Variants in NAALADL2 observed in about 807,000 individuals in gnomAD.
NAALADL2 encodes the protein N-acetylated alpha-linked acidic dipeptidase like 2.
NAALADL2 carries 76 observed loss-of-function variants against 87.2 expected under a neutral mutation model. The ratio of observed to expected loss-of-function variants is 0.87; its 90% confidence interval spans 0.72 to 1.05. NAALADL2 has a LOEUF of 1.05. NAALADL2 is among the 50% of genes least tolerant of loss of function. The pLI is 0.00. For missense variants in NAALADL2, 1,089 were observed against 945.8 expected, an observed-to-expected ratio of 1.15 and a Z score of -1.99; for synonymous variants, 354 against 331.0, an observed-to-expected ratio of 1.07 and a Z score of -0.75.
chr3:175,448,338 G>C (rs1449753507), intron 6 of NAALADL2, among the ~76,000 whole-genome samples: 2 of 152,208 alleles, frequency 1.3e-5, no homozygotes, highest in Non-Finnish European at 2.9e-5. Flanking sequence ...TTTTGTTTCT[G>C]CCATTTATTC....
chr3:175,701,727 G>A (rs1245885374), intron 11 of NAALADL2, among the ~76,000 whole-genome samples: 1 of 152,042 alleles, frequency 6.6e-6, no homozygotes, highest in Non-Finnish European at 1.5e-5. Context: ...AAACAAAAAT[G>A]ACTTCCAAAG....
intron 3 of NAALADL2, among the ~76,000 whole-genome samples, chr3:174,825,794 G>A (rs1455095938): frequency 1.3e-5 from 2 of 152,150 alleles, no homozygotes; most frequent in East Asian, 1.9e-4. Context: ...TTGGGAGGCC[G>A]AGGTGGGCAG....
intron 2 of NAALADL2, among the ~76,000 whole-genome samples, chr3:174,688,916 A>G (rs1301274469): frequency 6.6e-6 from 1 of 152,080 alleles, no homozygotes; most frequent in Non-Finnish European, 1.5e-5. Flanking sequence ...GAGTTTGAAT[A>G]TAACACTTAG....
At chr3:175,281,956 G>T (rs191971503) in intron 4 of NAALADL2, among the ~76,000 whole-genome samples, 1 of 151,706 alleles carries the variant, frequency 6.6e-6, no homozygotes, top group African/African-American at 2.4e-5. Context: ...AAATTCAACT[G>T]TTCTCATGTT....
At chr3:174,990,500 T>C (rs1289017643) in intron 1 of NAALADL2, among the ~76,000 whole-genome samples, 1 of 152,156 alleles carries the variant, frequency 6.6e-6, no homozygotes, top group East Asian at 1.9e-4. Context: ...ATAGAAGTTC[T>C]ATAAAACAAA....
At chr3:175,034,859 GTGTT>G (rs1445061725) in intron 1 of NAALADL2, among the ~76,000 whole-genome samples, 2 of 152,142 alleles carry the variant, frequency 1.3e-5, no homozygotes, top group African/African-American at 2.4e-5. Flanking sequence ...CATTCAGTAA[GTGTT>G]AGTTATAATC....
At chr3:175,635,174 C>A (rs1434594243) in intron 11 of NAALADL2, among the ~76,000 whole-genome samples, 2 of 151,994 alleles carry the variant, frequency 1.3e-5, no homozygotes, top group African/African-American at 4.8e-5. Flanking sequence ...TTTGATTATA[C>A]TGAACAAATA....
rs56071821 is a variant in NAALADL2 at position 174,870,592 on chromosome 3, TAAAAA to T, written c.43+11148_43+11152del. ...ATTATTATCAATAATAACAAAAAAA[TAAAAA>T]AAAAACACAATTAGCCATTTAGTAA... is the stretch of plus-strand genomic sequence containing the variant. On this transcript the variant is annotated intron_variant, in intron 1 of 13. Transcript: ENST00000454872. 1.4e-3 allele frequency among the ~76,000 whole-genome samples: 205 copies of T among 148,240 alleles called. 1 individual carries two copies. Among genetic ancestry groups the T allele is most frequent in the African/African-American group, 4.8e-3 (193 of 40,310 alleles).
intron 5 of NAALADL2, among the ~76,000 whole-genome samples, chr3:175,426,342 G>A (rs905319603): frequency 5.9e-5 from 9 of 152,140 alleles, no homozygotes; most frequent in South Asian, 4.1e-4. Flanking sequence ...CTGCCTGAGC[G>A]ACAGAGTGAG....
chr3:174,612,622 A>G lies in NAALADL2; in HGVS notation c.-115+61985A>G, dbSNP rs887251932. On this transcript the variant is annotated intron_variant, in intron 2 of 3. Transcript: ENST00000434257. ...TTTGAATTGCATTTTTAGCTCCAGA[A>G]TTTCTACTTGATTCTTTTTAATTAT... 4.6e-5 allele frequency among the ~76,000 whole-genome samples: 7 copies of G among 152,030 alleles called. No individual in the cohort carries two copies. In the East Asian group the frequency reaches 1.2e-3, roughly 25 times the overall value.
At chr3:174,956,570 C>A (rs917347193) in intron 1 of NAALADL2, among the ~76,000 whole-genome samples, 1 of 152,046 alleles carries the variant, frequency 6.6e-6, no homozygotes, top group African/African-American at 2.4e-5. Context: ...AATCACATAA[C>A]AAATTGCCTG....
chr3:174,984,029 C>A (rs1579860358), intron 1 of NAALADL2, among the ~76,000 whole-genome samples: 2 of 152,186 alleles, frequency 1.3e-5, no homozygotes, highest in African/African-American at 4.8e-5. Flanking sequence ...ATGTCTGCAT[C>A]TTCAGACCTT....
At chr3:174,574,721 A>G (rs1026720671) in intron 2 of NAALADL2, among the ~76,000 whole-genome samples, 5 of 152,162 alleles carry the variant, frequency 3.3e-5, no homozygotes, top group African/African-American at 1.2e-4. Flanking sequence ...CTATAGAAGC[A>G]AATATCTATC....
chr3:175,604,073 T>C (rs1000737578), intron 10 of NAALADL2, among the ~76,000 whole-genome samples: 2 of 152,174 alleles, frequency 1.3e-5, no homozygotes, highest in African/African-American at 4.8e-5. Flanking sequence ...AAGTAGAATT[T>C]CTGAATCATA....
chr3:175,203,227 C>T (rs1044508519), intron 2 of NAALADL2, among the ~76,000 whole-genome samples: 1 of 152,120 alleles, frequency 6.6e-6, no homozygotes, highest in Non-Finnish European at 1.5e-5. Context: ...CCCCCCTCAC[C>T]CCACTCCTCT....
chr3:174,909,687 A>G (rs900450830), intron 1 of NAALADL2, among the ~76,000 whole-genome samples: 2 of 152,098 alleles, frequency 1.3e-5, no homozygotes, highest in African/African-American at 4.8e-5. Context: ...CACTTTAGAT[A>G]ATTTGATCTC....
chr3:175,699,343 G>A (rs1340985119), intron 11 of NAALADL2, among the ~76,000 whole-genome samples: 1 of 151,938 alleles, frequency 6.6e-6, no homozygotes. Context: ...ATAGATGACA[G>A]GCAACAAGAG....
At chr3:174,802,418 C>G (rs962951998) in intron 3 of NAALADL2, among the ~76,000 whole-genome samples, 1 of 152,004 alleles carries the variant, frequency 6.6e-6, no homozygotes, top group African/African-American at 2.4e-5. Context: ...CAAAATTACC[C>G]TACAAAATCT....
chr3:175,508,390 T>G (rs1429509380), intron 9 of NAALADL2, among the ~76,000 whole-genome samples: 1 of 152,180 alleles, frequency 6.6e-6, no homozygotes, highest in Non-Finnish European at 1.5e-5. Context: ...TAGTGCCTAT[T>G]TACCTCCTTA....
Sources: gnomAD v4.1 joint callset for allele counts (sites outside exome capture counted in the v4.1 genomes callset) on GRCh38, gnomAD v4.1.1 for gene constraint, MANE v1.5 for transcripts, NCBI Gene and HGNC (gene_info 2026-07-23, HGNC 2026-07-21) for gene names.